The following SP4 variants were observed in gnomAD, a reference collection of about 807,000 sequenced individuals.
The protein encoded by SP4 is transcription factor Sp4.
In SP4, 19 loss-of-function variants were observed where a neutral mutation model predicts 72.8. That is an observed-to-expected ratio of 0.26 (90% CI 0.18 to 0.38). SP4 has a LOEUF of 0.38. Among genes scored for constraint, SP4 ranks in the 10% least tolerant of loss-of-function variants. SP4 has a pLI of 1.00. For missense variants in SP4, 1,008 were observed against 926.3 expected (o/e 1.09, Z -1.14); for synonymous variants, 395 against 333.1 (o/e 1.19, Z -2.02).
chr7:21,436,496 G>T (rs751416796), intron 3 of SP4, among the ~76,000 whole-genome samples: 1 of 152,138 alleles, frequency 6.6e-6, no homozygotes, highest in Non-Finnish European at 1.5e-5. Context: ...ATTTATAAAG[G>T]CATTTTGTGT....
chr7:21,492,825 T>G (rs957499037), intron 5 of SP4, among the ~76,000 whole-genome samples: 4 of 152,188 alleles, frequency 2.6e-5, no homozygotes, highest in Non-Finnish European at 5.9e-5. Context: ...CCCAGCAGAA[T>G]GTGTATTTTA....
chr7:21,467,707 A>G (rs1229537272), intron 3 of SP4, among the ~76,000 whole-genome samples: 2 of 152,184 alleles, frequency 1.3e-5, no homozygotes, highest in Non-Finnish European at 2.9e-5. Flanking sequence ...TCTTAGGCAG[A>G]TTCCAAGTTT....
At chr7:21,452,031 C>T (rs1467951373) in intron 3 of SP4, among the ~76,000 whole-genome samples, 1 of 152,152 alleles carries the variant, frequency 6.6e-6, no homozygotes, top group African/African-American at 2.4e-5. Flanking sequence ...TTCTTCTGAG[C>T]TGTAGCCAGA....
intron 5 of SP4, among the ~76,000 whole-genome samples, chr7:21,492,333 T>C (rs1419552042): frequency 1.3e-5 from 2 of 152,156 alleles, no homozygotes; most frequent in Non-Finnish European, 2.9e-5. Flanking sequence ...ATTTTGTAAA[T>C]TAAATGAGAA....
chr7:21,481,838 A>G lies in SP4; in HGVS notation c.1908-86A>G, dbSNP rs991702449. The G allele has an allele frequency of 5.2e-6, 5 of 952,578 alleles. No individual in the cohort carries two copies. In the African/African-American group the frequency reaches 6.6e-5, roughly 13 times the overall value. The allele number at this position is 952,578 out of a possible 1,614,324, so 59.0% of individuals were successfully genotyped here. A position where few individuals can be genotyped will look rare whatever the true frequency, so the allele number is the denominator to read the frequency against. ...AAACCTATTCAGAGAAGCATCATTT[A>G]ATTACCTTGATTCTTTTTAATTTTT... On this transcript the variant is annotated intron_variant, in intron 4 of 5. Transcript: ENST00000222584.
intron 5 of SP4, among the ~76,000 whole-genome samples, chr7:21,484,183 C>T (rs143046375): frequency 1.3e-5 from 2 of 151,772 alleles, no homozygotes; most frequent in African/African-American, 2.4e-5. Context: ...ATTGAGTACC[C>T]CTTGTCTGAA....
At chr7:21,452,126 G>C (rs1371298516) in intron 3 of SP4, among the ~76,000 whole-genome samples, 1 of 152,182 alleles carries the variant, frequency 6.6e-6, no homozygotes, top group Non-Finnish European at 1.5e-5. Context: ...ACTAAAATTT[G>C]ATAACAGTAG....
rs1782222343 is a variant in SP4, at chr7:21,514,549, A to ATG, written c.*3280_*3281insTG. 2.7e-5 allele frequency: 4 copies of ATG among 145,854 alleles called. No individual in the cohort carries two copies. The highest frequency in any genetic ancestry group is 4.5e-5 in the Non-Finnish European group (3 of 66,180). The allele number at this position is 145,854 out of a possible 1,614,324, so 9.0% of individuals were successfully genotyped here. A position where few individuals can be genotyped will look rare whatever the true frequency, so the allele number is the denominator to read the frequency against. ...TTTTTTGTAAAAAAAAAAAAATGAA[A>ATG]AAAAAAGATGAATCCAGAAAAAAAC... On this transcript the variant is annotated 3_prime_UTR_variant, in exon 6 of 6. Coordinates refer to ENST00000222584, the MANE Select transcript of SP4 (RefSeq NM_003112.5).
At chr7:21,486,974 G>A (rs73685152) in intron 5 of SP4, among the ~76,000 whole-genome samples, 3,283 of 152,272 alleles carry the variant, frequency 0.022, 124 homozygotes, top group African/African-American at 0.074. Context: ...CTTGCCTGCA[G>A]CAGTTATTAC....
intron 3 of SP4, among the ~76,000 whole-genome samples, chr7:21,465,356 G>T (rs1371151804): frequency 6.6e-6 from 1 of 152,108 alleles, no homozygotes; most frequent in Non-Finnish European, 1.5e-5. Flanking sequence ...TAGTGCTTAA[G>T]GAGAGAATAT....
At chr7:21,432,148 A>G (rs1490755505) in intron 3 of SP4, among the ~76,000 whole-genome samples, 1 of 152,186 alleles carries the variant, frequency 6.6e-6, no homozygotes, top group African/African-American at 2.4e-5. Context: ...TGAATTTTAA[A>G]TTTTATTTAA....
At chr7:21,487,350 C>T (rs1334228673) in intron 5 of SP4, among the ~76,000 whole-genome samples, 1 of 148,728 alleles carries the variant, frequency 6.7e-6, no homozygotes, top group African/African-American at 2.5e-5. Context: ...CTCTCTCTTT[C>T]TCTGTCTCTC....
intron 2 of SP4, 117 bp downstream of exon 2, chr7:21,428,909 C>T (rs1476961681): frequency 2.4e-6 from 2 of 827,760 alleles, no homozygotes; most frequent in African/African-American, 1.7e-5. Context: ...AAGCATCTTT[C>T]TGAGAGTGTG....
At chr7:21,431,118 C>G (rs909528554) in intron 3 of SP4, among the ~76,000 whole-genome samples, 2 of 152,048 alleles carry the variant, frequency 1.3e-5, no homozygotes, top group Non-Finnish European at 2.9e-5. Flanking sequence ...TCATAATTGC[C>G]TTCTGTAATT....
At chr7:21,454,131 A>G (rs1237923473) in intron 3 of SP4, among the ~76,000 whole-genome samples, 2 of 152,214 alleles carry the variant, frequency 1.3e-5, no homozygotes, top group Non-Finnish European at 2.9e-5. Context: ...CTAATTATGT[A>G]CTAGGTGTGG....
intron 5 of SP4, among the ~76,000 whole-genome samples, chr7:21,497,267 C>G (rs1378639927): frequency 6.6e-6 from 1 of 152,116 alleles, no homozygotes; most frequent in African/African-American, 2.4e-5. Context: ...GAAAGAGCCT[C>G]AGCTGTGTTC....
intron 5 of SP4, among the ~76,000 whole-genome samples, chr7:21,493,563 A>G (rs764446125): frequency 2.2e-4 from 33 of 152,226 alleles, no homozygotes; most frequent in Non-Finnish European, 4.4e-4. Context: ...AATGCTATGC[A>G]TAACTCTACA....
In SP4 at chr7:21,428,202, C is replaced by CCCCCCCCCAAA; in HGVS notation, c.-49_-48insCCCCCCCAAAC. 8.3e-7 allele frequency: 1 copy of CCCCCCCCCAAA among 1,206,786 alleles called. No individual in the cohort carries two copies. The allele number at this position is 1,206,786 out of a possible 1,614,324, so 74.8% of individuals were successfully genotyped here. ...CCTCCCGCCTCGCCCCCACCCCCAC[C>CCCCCCCCCAAA]CACCTCTATCCCAGTGTCTCCGTCT... On this transcript the variant is annotated 5_prime_UTR_variant, in exon 1 of 6. Transcript: ENST00000222584.
chr7:21,479,114 G>A (rs1784602880), intron 4 of SP4, among the ~76,000 whole-genome samples: 2 of 151,558 alleles, frequency 1.3e-5, no homozygotes, highest in South Asian at 4.2e-4. Context: ...CTCCCATTGT[G>A]TGAATTGTCT....
Sources: gnomAD v4.1 joint callset for allele counts (sites outside exome capture counted in the v4.1 genomes callset) on GRCh38, gnomAD v4.1.1 for gene constraint, MANE v1.5 for transcripts, NCBI Gene and HGNC (gene_info 2026-07-23, HGNC 2026-07-21) for gene names.